PKIG: variants seen among roughly 807,000 people sequenced by gnomAD.
The protein encoded by PKIG is protein kinase (cAMP-dependent, catalytic) inhibitor gamma.
PKIG carries 1 observed loss-of-function variant against 6.8 expected under a neutral mutation model. The ratio of observed to expected loss-of-function variants is 0.15; its 90% CI spans 0.05 to 0.69. PKIG has a LOEUF of 0.69. Among genes scored for constraint, PKIG ranks in the 30% least tolerant of loss-of-function variants. PKIG has a pLI of 0.82. For missense variants in PKIG, 77 were observed against 104.0 expected (o/e 0.74, Z 1.13); for synonymous variants, 39 against 43.0 (o/e 0.91, Z 0.36).
At chr20:44,572,948 G>A (rs1207435224) in intron 1 of PKIG, among the ~76,000 whole-genome samples, 1 of 152,202 alleles carries the variant, frequency 6.6e-6, no homozygotes, top group Admixed American at 6.5e-5. Flanking sequence ...GATGAGTAGC[G>A]CTGATCTAAG....
chr20:44,558,411 T>G lies in PKIG; in HGVS notation c.-240-24174T>G, dbSNP rs564881838. Among the ~76,000 whole-genome samples the G allele has an allele frequency of 3.8e-4, 58 of 152,316 alleles. 1 individual carries two copies. In the East Asian group the frequency reaches 0.011, roughly 28 times the overall value. On this transcript the variant is annotated intron_variant, in intron 1 of 4. Transcript: ENST00000372887. ...GGTTGATTTTGGTAAAGTTCAGATA[T>G]CTTTTGTCCTGTGCTTGACACTCTA...
chr20:44,550,460 A>T (rs933212969), intron 1 of PKIG, among the ~76,000 whole-genome samples: 1 of 152,140 alleles, frequency 6.6e-6, no homozygotes, highest in Admixed American at 6.6e-5. Context: ...AACAAAAAGA[A>T]GTCAGAAAGA....
intron 1 of PKIG, among the ~76,000 whole-genome samples, chr20:44,576,042 A>C (rs1384440183): frequency 6.6e-6 from 1 of 152,046 alleles, no homozygotes; most frequent in African/African-American, 2.4e-5. Context: ...TTGAAATGAA[A>C]TCCCTTGTTC....
At chr20:44,581,435 G>A (rs866387417), upstream of PKIG, among the ~76,000 whole-genome samples, 16 of 152,188 alleles carry the variant, frequency 1.1e-4, no homozygotes, top group African/African-American at 2.9e-4. Flanking sequence ...AATTAAGTCA[G>A]ACAGGACTCA....
At position 44,614,282 on chromosome 20, in the gene PKIG, A is replaced by G. The variant is rs2065244148; in HGVS notation, c.-23-252A>G. On this transcript the variant is annotated intron_variant, in intron 2 of 3. Transcript: ENST00000372886. The surrounding 1 kb of genome is among the most constrained non-coding windows in gnomAD (Gnocchi z 4.6). ...GCATGGTATTAATAAATGTGTGTAC[A>G]TGTTTGTCAATAATTTTATTTAAAG... 2.6e-6 allele frequency: 1 copy of G among 380,688 alleles called. No homozygotes were observed. The highest frequency in any genetic ancestry group is 2.1e-5 in the African/African-American group (1 of 48,466). 23.6% of individuals were successfully genotyped at this position (380,688 alleles called of 1,614,324 possible).
intron 2 of PKIG, among the ~76,000 whole-genome samples, chr20:44,610,403 G>T (rs1428374403): frequency 2.0e-5 from 3 of 152,034 alleles, no homozygotes; most frequent in Non-Finnish European, 2.9e-5. Context: ...TCTGAGCTAG[G>T]TGTTGTGGGG....
intron 1 of PKIG, among the ~76,000 whole-genome samples, chr20:44,548,874 ACACACAC>A (rs1430838502): frequency 1.4e-5 from 2 of 141,330 alleles, no homozygotes; most frequent in Non-Finnish European, 3.0e-5. Context: ...ACACACACAC[ACACACAC>A]ACACACACAC....
rs560151214 is a variant in PKIG at position 44,618,978 on chromosome 20, C to T, written c.*614C>T. The T allele has an allele frequency of 6.5e-6, 1 of 154,942 alleles. No homozygotes were observed. The highest frequency in any genetic ancestry group is 6.4e-5 in the Admixed American group (1 of 15,658). 9.6% of individuals were successfully genotyped at this position (154,942 alleles called of 1,614,324 possible). A position where few individuals can be genotyped will look rare whatever the true frequency, so the allele number is the denominator to read the frequency against. ...TCAAAACGATCTGACCACCTCTGCC[C>T]TGTCCACCAGGATAAGTGACACCTA... On this transcript the variant is annotated 3_prime_UTR_variant, in exon 4 of 4. Coordinates refer to ENST00000372886, the MANE Select transcript of PKIG (RefSeq NM_001281445.2).
At chr20:44,597,339 A>G (rs1187042989) in intron 2 of PKIG, among the ~76,000 whole-genome samples, 1 of 149,526 alleles carries the variant, frequency 6.7e-6, no homozygotes, top group Non-Finnish European at 1.5e-5. Flanking sequence ...TTGCCCCCCT[A>G]CTACCACTGG....
intron 2 of PKIG, among the ~76,000 whole-genome samples, chr20:44,604,399 A>G (rs970147501): frequency 1.3e-5 from 2 of 152,250 alleles, no homozygotes; most frequent in Non-Finnish European, 2.9e-5. Flanking sequence ...GCAGCTCAGC[A>G]ATGAGGGGAT....
At chr20:44,538,532 C>A (rs1247357148) in intron 1 of PKIG, among the ~76,000 whole-genome samples, 1 of 152,116 alleles carries the variant, frequency 6.6e-6, no homozygotes, top group Non-Finnish European at 1.5e-5. Context: ...AACATATGGT[C>A]ACTTTTATTT....
At position 44,536,032 on chromosome 20, in the gene PKIG, G is replaced by A. The variant is rs375722029; in HGVS notation, c.-241+4054G>A. On this transcript the variant is annotated intron_variant, in intron 1 of 4. Transcript: ENST00000372887. Reference sequence around the variant, plus strand: ...TGTTTTCTATGTGTTTGGTTACTCTGGATACATCGTGTTAGTGGAATCTTG... The same window carrying A: ...TGTTTTCTATGTGTTTGGTTACTCTAGATACATCGTGTTAGTGGAATCTTG... Among the ~76,000 whole-genome samples, 6 of 152,276 alleles carry A rather than the reference G, an allele frequency of 3.9e-5. No homozygotes were observed. In the East Asian group the frequency reaches 9.6e-4, roughly 24 times the overall value.
chr20:44,561,615 AT>A (rs1308140187), intron 1 of PKIG, among the ~76,000 whole-genome samples: 1 of 151,872 alleles, frequency 6.6e-6, no homozygotes, highest in Admixed American at 6.6e-5. Flanking sequence ...ATTTAAAAAA[AT>A]TTTTTTTTCA....
rs1362322953 is a variant in PKIG at position 44,618,991 on chromosome 20, T to A, written c.*627T>A. On this transcript the variant is annotated 3_prime_UTR_variant, in exon 4 of 4. Coordinates refer to ENST00000372886, the MANE Select transcript of PKIG (RefSeq NM_001281445.2). ...ACCACCTCTGCCCTGTCCACCAGGA[T>A]AAGTGACACCTAGGACCCAGGAAAT... 6.5e-6 allele frequency: 1 copy of A among 154,054 alleles called. No individual in the cohort carries two copies. Among genetic ancestry groups the A allele is most frequent in the Non-Finnish European group, 1.4e-5 (1 of 69,032 alleles). 9.5% of individuals were successfully genotyped at this position (154,054 alleles called of 1,614,324 possible).
intron 1 of PKIG, among the ~76,000 whole-genome samples, chr20:44,574,053 C>G (rs1047792462): frequency 6.6e-6 from 1 of 152,136 alleles, no homozygotes. Context: ...TTTTATTTTT[C>G]TGCTTTTACT....
rs116027720 is a variant in PKIG at position 44,548,591 on chromosome 20, T to C, written c.-241+16613T>C. 1.5e-3 allele frequency among the ~76,000 whole-genome samples: 222 copies of C among 152,276 alleles called. 2 individuals are homozygous for C. The highest frequency in any genetic ancestry group is 5.1e-3 in the African/African-American group (212 of 41,566). On this transcript the variant is annotated intron_variant, in intron 1 of 4. Coordinates refer to the PKIG transcript ENST00000372887. ...AGGAAAACTATTTGCTGGGGATTTGTGTTGGACAAGTTTTGTAGCAGTCTG... is the reference window on the plus strand; with the variant it reads ...AGGAAAACTATTTGCTGGGGATTTGCGTTGGACAAGTTTTGTAGCAGTCTG...
intron 1 of PKIG, among the ~76,000 whole-genome samples, chr20:44,533,665 C>A (rs1359698865): frequency 6.6e-6 from 1 of 151,870 alleles, no homozygotes; most frequent in Non-Finnish European, 1.5e-5. Flanking sequence ...TGAAAGAGAT[C>A]CATCCAGAGA....
intron 2 of PKIG, among the ~76,000 whole-genome samples, chr20:44,600,063 T>C (rs887279693): frequency 3.3e-5 from 5 of 152,148 alleles, no homozygotes; most frequent in Admixed American, 2.0e-4. Context: ...AGGAATCCAT[T>C]TATCCACTTA....
In PKIG at chr20:44,567,310, G is replaced by A. The variant is rs375264923; in HGVS notation, c.-240-15275G>A. On this transcript the variant is annotated intron_variant, in intron 1 of 4. Coordinates refer to the PKIG transcript ENST00000372887. ...CCAGATATCCTGCAAGGTCAGCCCC[G>A]TAAGAACTCAGTCTCTGTGATTGTC... Among the ~76,000 whole-genome samples the A allele has an allele frequency of 8.5e-5, 13 of 152,168 alleles. No homozygotes were observed. In the East Asian group the frequency reaches 1.5e-3, roughly 18 times the overall value.
Sources: allele counts gnomAD v4.1 joint callset (sites outside exome capture counted in the v4.1 genomes callset), GRCh38; gene constraint gnomAD v4.1.1; non-coding constraint Gnocchi (gnomAD v3.1); transcripts MANE v1.5; gene names NCBI Gene and HGNC (gene_info 2026-07-23, HGNC 2026-07-21).